GFPT2: variants seen among roughly 807,000 people sequenced by gnomAD.
GFPT2 encodes the protein glutamine--fructose-6-phosphate aminotransferase [isomerizing] 2.
Under a neutral mutation model 85.6 loss-of-function variants are expected in GFPT2, and 62 were observed. The observed-to-expected ratio is 0.72, with a 90% confidence interval of 0.59 to 0.90. GFPT2 has a LOEUF of 0.90. GFPT2 is among the 40% of genes least tolerant of loss of function. GFPT2 has a pLI of 0.00. For synonymous variants in GFPT2, 368 were observed against 344.5 expected, an observed-to-expected ratio of 1.07 and a Z score of -0.75; for missense variants, 788 against 893.4, an observed-to-expected ratio of 0.88 and a Z score of 1.50.
In GFPT2 at chr5:180,332,420, T is replaced by G. The variant is rs190674644; in HGVS notation, c.341-867A>C. On this transcript the variant is annotated intron_variant, in intron 4 of 18. Coordinates refer to ENST00000253778, the MANE Select transcript of GFPT2 (RefSeq NM_005110.4). The stretch of plus-strand genomic sequence containing the variant: ...CCTCTCCCCCTAGAGGACAGAAAGA[T>G]TCCCTATTACCCTTGAGGTTCAATA... 2.1e-3 allele frequency among the ~76,000 whole-genome samples: 318 copies of G among 152,360 alleles called. 3 individuals carry two copies. Among genetic ancestry groups the G allele is most frequent in the African/African-American group, 7.1e-3 (294 of 41,592 alleles).
chr5:180,331,712 C>G, intron 4 of GFPT2, 159 bp from the exon 5 acceptor site: 1 of 651,796 alleles, frequency 1.5e-6, no homozygotes, highest in Non-Finnish European at 2.8e-6. Flanking sequence ...ATGTTTACGG[C>G]AGCAACTACA....
intron 9 of GFPT2, among the ~76,000 whole-genome samples, chr5:180,321,596 C>T (rs780783962): frequency 1.7e-4 from 26 of 152,240 alleles, no homozygotes; most frequent in Non-Finnish European, 3.7e-4. Flanking sequence ...CCGTGCCCCG[C>T]ACACACTGGC....
rs1172129229 is a variant in GFPT2 at position 180,301,361 on chromosome 5, C to T, written c.*203G>A. 3 of 607,752 alleles carry T rather than the reference C, an allele frequency of 4.9e-6. No homozygotes were observed. Among genetic ancestry groups the T allele is most frequent in the African/African-American group, 3.7e-5 (2 of 54,068 alleles). The allele number at this position is 607,752 out of a possible 1,614,324, so 37.6% of individuals were successfully genotyped here. On this transcript the variant is annotated 3_prime_UTR_variant, in exon 19 of 19. Transcript: ENST00000253778. The stretch of plus-strand genomic sequence containing the variant: ...CATGTGTAAACAATGATTCCCTTCT[C>T]CTCTGGCGACTTCAGGACACAGAGA...
chr5:180,326,816 C>T (rs1045411595), intron 7 of GFPT2, among the ~76,000 whole-genome samples: 2 of 152,166 alleles, frequency 1.3e-5, no homozygotes, highest in Admixed American at 1.3e-4. Context: ...CCCAAGACAA[C>T]CCGAAGATTG....
chr5:180,313,727 G>T, intron 14 of GFPT2, 80 bp downstream of exon 14: 1 of 1,281,264 alleles, frequency 7.8e-7, no homozygotes, highest in South Asian at 1.4e-5. Flanking sequence ...CGCGGGCAGA[G>T]CAGGCCGGAG....
intron 15 of GFPT2, among the ~76,000 whole-genome samples, chr5:180,312,008 G>A (rs867380803): frequency 5.4e-5 from 3 of 55,074 alleles, no homozygotes; most frequent in East Asian, 1.0e-3. Flanking sequence ...GGAGGCTGAG[G>A]GGCAGGGAGG....
Position 180,330,898 on chromosome 5 carries a change from C to A in GFPT2, c.400-64G>T. On this transcript the variant is annotated intron_variant, in intron 5 of 18. Transcript: ENST00000253778. The surrounding 1 kb of genome is among the most constrained non-coding windows in gnomAD (Gnocchi z 4.4). Reference sequence around the variant, plus strand: ...TTGCACAATGCCTGCCTGGCCAACTCCCTCTCCTCCCTGGTGATCTGCCCT... The same window carrying A: ...TTGCACAATGCCTGCCTGGCCAACTACCTCTCCTCCCTGGTGATCTGCCCT... 7.0e-7 allele frequency: 1 copy of A among 1,432,904 alleles called. No individual in the cohort carries two copies. Among genetic ancestry groups the A allele is most frequent in the South Asian group, 1.2e-5 (1 of 83,538 alleles). 88.8% of individuals were successfully genotyped at this position (1,432,904 alleles called of 1,614,324 possible).
At chr5:180,302,265 C>T (rs925229052) in intron 18 of GFPT2, among the ~76,000 whole-genome samples, 158 bp downstream of exon 18, 26 of 146,166 alleles carry the variant, frequency 1.8e-4, no homozygotes, top group Middle Eastern at 3.6e-3. Flanking sequence ...CCAGCCTGGG[C>T]GACAGAGCGA....
At position 180,350,517 on chromosome 5, in the gene GFPT2, G is replaced by A. The variant is rs60932608; in HGVS notation, c.7+2694C>T. 2.1e-3 allele frequency among the ~76,000 whole-genome samples: 316 copies of A among 152,274 alleles called. 10 individuals carry two copies. The East Asian group carries it at 0.055, about 26-fold the overall frequency. On this transcript the variant is annotated intron_variant, in intron 1 of 18. Coordinates refer to ENST00000253778, the MANE Select transcript of GFPT2 (RefSeq NM_005110.4). ...TGACCAGTCTCTGGACTAGCCCTGCGGCTCACCTGCCCCTTCTTTGAGGGG... is the reference window on the plus strand; with the variant it reads ...TGACCAGTCTCTGGACTAGCCCTGCAGCTCACCTGCCCCTTCTTTGAGGGG...
At chr5:180,307,069 A>G in intron 16 of GFPT2, 107 bp downstream of exon 16, 1 of 881,476 alleles carries the variant, frequency 1.1e-6, no homozygotes, top group Non-Finnish European at 1.8e-6. Flanking sequence ...AGGGGTCCTT[A>G]GGCCCGGCCC....
chr5:180,307,138 G>T (rs978235989), intron 16 of GFPT2, 38 bp downstream of exon 16: 2 of 1,501,660 alleles, frequency 1.3e-6, no homozygotes, highest in Non-Finnish European at 1.8e-6. Context: ...TCCTGTGCCT[G>T]TCCTCCGTGG....
Position 180,331,487 on chromosome 5 carries a change from C to G in GFPT2, c.399+8G>C, listed in dbSNP as rs759470520. On this transcript the variant is annotated splice_region_variant and intron_variant, in intron 5 of 18. Transcript: ENST00000253778. ...GGACTGAGACATCACCTAGGGGAAG[C>G]ATCTTACCAGAAATTTCCTCAGATC... The G allele has an allele frequency of 3.3e-6, 5 of 1,520,994 alleles. No homozygotes were observed. The highest frequency in any genetic ancestry group is 4.6e-6 in the Non-Finnish European group (5 of 1,094,930). The allele number at this position is 1,520,994 out of a possible 1,614,324, so 94.2% of individuals were successfully genotyped here. A position where few individuals can be genotyped will look rare whatever the true frequency, so the allele number is the denominator to read the frequency against.
In GFPT2 at chr5:180,328,298, G is replaced by A. The variant is rs1430434851; in HGVS notation, c.575C>T (p.Pro192Leu). 1 of 1,612,636 alleles carries A rather than the reference G, an allele frequency of 6.2e-7. No homozygotes were observed. Among genetic ancestry groups the A allele is most frequent in the Non-Finnish European group, 8.5e-7 (1 of 1,178,780 alleles). The change falls in exon 7 of 19, where the codon CCA becomes CTA. Residue 192 changes from proline to leucine, a missense_variant. Coordinates refer to ENST00000253778, the MANE Select transcript of GFPT2 (RefSeq NM_005110.4). This position sits in a 1 kb window ranked among gnomAD's most constrained non-coding sequence, Gnocchi z 5.4. Reference sequence around the variant, plus strand: ...TCACCGTGTGGCAACGGCTTCTCCTGGGTAGTGGACACTCTTGAAAACCAG... The same window carrying A: ...TCACCGTGTGGCAACGGCTTCTCCTAGGTAGTGGACACTCTTGAAAACCAG... ...FALVFKSVHYPGEAVATRRGS... is the reference protein window; with the variant it reads ...FALVFKSVHYLGEAVATRRGS...
At chr5:180,333,477 G>A (rs185781189) in intron 4 of GFPT2, among the ~76,000 whole-genome samples, 4 of 151,920 alleles carry the variant, frequency 2.6e-5, no homozygotes, top group African/African-American at 4.8e-5. Flanking sequence ...CTCATGGTCC[G>A]CCCGCCTCGG....
At chr5:180,335,112 C>T (rs1764370748) in intron 4 of GFPT2, among the ~76,000 whole-genome samples, 1 of 152,220 alleles carries the variant, frequency 6.6e-6, no homozygotes, top group Admixed American at 6.5e-5. Flanking sequence ...TGGCCCTCTG[C>T]CAATCTGTGG....
chr5:180,309,483 T>G (rs150609126), intron 15 of GFPT2, among the ~76,000 whole-genome samples: 1 of 152,244 alleles, frequency 6.6e-6, no homozygotes, highest in East Asian at 1.9e-4. Flanking sequence ...TGCAACGGCG[T>G]GATCTCAGCT....
chr5:180,345,040 T>C (rs1367485670), intron 1 of GFPT2, among the ~76,000 whole-genome samples: 1 of 152,228 alleles, frequency 6.6e-6, no homozygotes, highest in Non-Finnish European at 1.5e-5. Context: ...CACCCCTTGA[T>C]TTCAGTGCAC....
chr5:180,326,434 T>A (rs1365223507), intron 7 of GFPT2, among the ~76,000 whole-genome samples: 2 of 152,214 alleles, frequency 1.3e-5, no homozygotes, highest in East Asian at 3.8e-4. Context: ...TCGGCTTGAA[T>A]CCAGTCCACA....
At chr5:180,352,095 C>T (rs570031943) in intron 1 of GFPT2, among the ~76,000 whole-genome samples, 1 of 152,288 alleles carries the variant, frequency 6.6e-6, no homozygotes, top group Middle Eastern at 3.4e-3. Flanking sequence ...TCCACGGATG[C>T]CTGTTCAGCC....
Sources: gnomAD v4.1 joint callset for allele counts (sites outside exome capture counted in the v4.1 genomes callset) on GRCh38, gnomAD v4.1.1 for gene constraint, Gnocchi (gnomAD v3.1) non-coding constraint, MANE v1.5 for transcripts, NCBI Gene and HGNC (gene_info 2026-07-23, HGNC 2026-07-21) for gene names.